DLG2: variants seen among roughly 807,000 people sequenced by gnomAD.
DLG2 encodes the protein discs large MAGUK scaffold protein 2.
A neutral mutation model predicts 132.5 loss-of-function variants in DLG2; 45 were observed. The ratio of observed to expected loss-of-function variants is 0.34; its 90% CI spans 0.27 to 0.44. The LOEUF is 0.44. Among genes scored for constraint, DLG2 ranks in the 20% least tolerant of loss-of-function variants. DLG2 has a pLI of 1.00. For synonymous variants in DLG2, 424 were observed against 419.6 expected (o/e 1.01, Z -0.13); for missense variants, 1,045 against 1,196.9 (o/e 0.87, Z 1.87).
intron 9 of DLG2, among the ~76,000 whole-genome samples, chr11:84,101,245 G>A (rs2092494122): frequency 1.3e-5 from 2 of 152,136 alleles, no homozygotes; most frequent in South Asian, 4.2e-4. Context: ...TGACATAGAG[G>A]GAAGAACTTG....
intron 3 of DLG2, chr11:85,286,024 A>T (rs2078532114): frequency 2.6e-6 from 1 of 390,908 alleles, no homozygotes; most frequent in Non-Finnish European, 4.9e-6. Context: ...AGACTGTTAC[A>T]AAGGAATGTA....
rs553205613 is a variant in DLG2 at position 83,599,881 on chromosome 11, G to T, written c.1940+33330C>A. On this transcript the variant is annotated intron_variant, in intron 19 of 27. Coordinates refer to ENST00000376104, the MANE Select transcript of DLG2 (RefSeq NM_001142699.3). ...TTAAATAGGTTTTGCATGAGGGGCT[G>T]TAGAGATATCTTTGAATTAAGTTCA... Among the ~76,000 whole-genome samples, 3 of 152,346 alleles carry T rather than the reference G, an allele frequency of 2.0e-5. No individual in the cohort carries two copies. The East Asian group carries it at 5.8e-4, about 29-fold the overall frequency.
intron 17 of DLG2, among the ~76,000 whole-genome samples, chr11:83,810,485 T>G (rs1449242394): frequency 6.6e-6 from 1 of 152,086 alleles, no homozygotes; most frequent in Non-Finnish European, 1.5e-5. Flanking sequence ...TAGGTATATT[T>G]TCAAGAAGGC....
chr11:84,520,412 T>A (rs542318467), intron 7 of DLG2, among the ~76,000 whole-genome samples: 56 of 152,296 alleles, frequency 3.7e-4, no homozygotes, highest in African/African-American at 1.3e-3. Context: ...CCATTCTCTC[T>A]GAAATATGGT....
At chr11:85,338,239 CAATA>C (rs1345438990) in intron 3 of DLG2, among the ~76,000 whole-genome samples, 1 of 152,054 alleles carries the variant, frequency 6.6e-6, no homozygotes, top group Admixed American at 6.6e-5. Flanking sequence ...TTCTGTAAGA[CAATA>C]AATAGTAGCA....
chr11:84,824,559 A>G lies in DLG2; in HGVS notation c.357+287102T>C, dbSNP rs1021331490. On this transcript the variant is annotated intron_variant, in intron 6 of 27. Coordinates refer to ENST00000376104, the MANE Select transcript of DLG2 (RefSeq NM_001142699.3). ...TCATGAAAATCAGAAGAAAGCTACC[A>G]ACTGATAAGTCATCCTGCTGGGTAC... 2.0e-5 allele frequency among the ~76,000 whole-genome samples: 3 copies of G among 152,058 alleles called. No individual in the cohort carries two copies. In the East Asian group the frequency reaches 5.8e-4, roughly 30 times the overall value.
intron 6 of DLG2, among the ~76,000 whole-genome samples, chr11:84,872,208 A>C (rs994704586): frequency 2.6e-5 from 4 of 152,198 alleles, no homozygotes; most frequent in Non-Finnish European, 5.9e-5. Flanking sequence ...TTGCTTTCTC[A>C]GGAATGGAAG....
chr11:85,290,831 CATA>C (rs1399786849), intron 3 of DLG2, among the ~76,000 whole-genome samples: 5 of 152,028 alleles, frequency 3.3e-5, no homozygotes, highest in Non-Finnish European at 5.9e-5. Context: ...ATCTGGTCTT[CATA>C]ATAATGATTC....
At chr11:85,046,134 A>G (rs1402103561) in intron 6 of DLG2, among the ~76,000 whole-genome samples, 2 of 152,036 alleles carry the variant, frequency 1.3e-5, no homozygotes, top group African/African-American at 2.4e-5. Context: ...TGATTGCTTC[A>G]GTTCAAAGGA....
intron 19 of DLG2, among the ~76,000 whole-genome samples, chr11:83,559,200 C>G (rs911127267): frequency 5.9e-5 from 9 of 152,028 alleles, no homozygotes; most frequent in African/African-American, 1.9e-4. Context: ...AAAGAATGCA[C>G]TTGGTTTAGG....
chr11:84,502,416 A>C (rs569482383), intron 7 of DLG2, among the ~76,000 whole-genome samples: 1 of 85,982 alleles, frequency 1.2e-5, no homozygotes, highest in Non-Finnish European at 2.2e-5. Flanking sequence ...CTTTCTTTCT[A>C]TACAGAGTCT....
rs144207120 is a variant in DLG2 at position 85,216,523 on chromosome 11, T to C, written c.187-61872A>G. Among the ~76,000 whole-genome samples the C allele has an allele frequency of 4.1e-3, 621 of 152,302 alleles. 8 individuals carry two copies. The highest frequency in any genetic ancestry group is 0.013 in the African/African-American group (539 of 41,564). ...TTATGGGAGATTCCTAGGAAAGTTA[T>C]ACAGGTTCCATACTGCAAGTTATTT... On this transcript the variant is annotated intron_variant, in intron 4 of 27. Transcript: ENST00000376104.
At chr11:84,530,362 C>G (rs1393904718) in intron 7 of DLG2, among the ~76,000 whole-genome samples, 1 of 152,128 alleles carries the variant, frequency 6.6e-6, no homozygotes, top group Non-Finnish European at 1.5e-5. Flanking sequence ...AGACAACCTA[C>G]AGAATTGGAG....
intron 15 of DLG2, among the ~76,000 whole-genome samples, chr11:83,906,081 C>CTATATATA (rs773692866): frequency 2.1e-5 from 2 of 96,604 alleles, no homozygotes; most frequent in African/African-American, 8.8e-5. Context: ...CTCTCTCTCT[C>CTATATATA]TATATATATA....
chr11:84,137,603 C>T (rs1338331476), intron 9 of DLG2, among the ~76,000 whole-genome samples: 1 of 152,078 alleles, frequency 6.6e-6, no homozygotes, highest in Non-Finnish European at 1.5e-5. Flanking sequence ...TCACACAAGA[C>T]AAGTCTCTGA....
chr11:84,108,401 AG>A (rs1467111685), intron 9 of DLG2, among the ~76,000 whole-genome samples: 1 of 152,198 alleles, frequency 6.6e-6, no homozygotes, highest in Non-Finnish European at 1.5e-5. Flanking sequence ...TGGTAAAGAC[AG>A]AAAAAATGGC....
intron 6 of DLG2, among the ~76,000 whole-genome samples, chr11:84,691,839 T>A (rs941640425): frequency 6.6e-6 from 1 of 151,752 alleles, no homozygotes; most frequent in African/African-American, 2.4e-5. Context: ...TAGCATGGCA[T>A]GCAAAAATCA....
At chr11:84,748,265 C>T (rs1452179347) in intron 6 of DLG2, among the ~76,000 whole-genome samples, 2 of 152,162 alleles carry the variant, frequency 1.3e-5, no homozygotes, top group African/African-American at 4.8e-5. Context: ...GCCAATTGGT[C>T]TTCACTGAGA....
At chr11:84,725,165 T>C (rs2062283658) in intron 6 of DLG2, among the ~76,000 whole-genome samples, 1 of 152,144 alleles carries the variant, frequency 6.6e-6, no homozygotes, top group Non-Finnish European at 1.5e-5. Flanking sequence ...GATTTGAGGA[T>C]CTAAGGTCTT....
Sources: allele counts gnomAD v4.1 joint callset (sites outside exome capture counted in the v4.1 genomes callset), GRCh38; gene constraint gnomAD v4.1.1; transcripts MANE v1.5; gene names NCBI Gene and HGNC (gene_info 2026-07-23, HGNC 2026-07-21).